The following SYNE1 variants were observed in gnomAD, a reference collection of about 807,000 sequenced individuals.
SYNE1 encodes spectrin repeat containing nuclear envelope protein 1.
SYNE1 carries 616 observed loss-of-function variants against 1,111.0 expected under a neutral mutation model. The observed-to-expected ratio is 0.55, with a 90% CI of 0.52 to 0.59. SYNE1 has a LOEUF of 0.59. Ranked by LOEUF, SYNE1 falls within the 20% of genes least tolerant of loss-of-function variation. The pLI is 0.00. For synonymous variants in SYNE1, 3,855 were observed against 3,825.8 expected (o/e 1.01, Z -0.28); for missense variants, 10,006 against 10,417.0 (o/e 0.96, Z 1.72).
intron 86 of SYNE1, among the ~76,000 whole-genome samples, chr6:152,317,519 C>A (rs1291591371): frequency 6.6e-6 from 1 of 152,096 alleles, no homozygotes; most frequent in East Asian, 1.9e-4. Flanking sequence ...CCAGGCCTTC[C>A]TCTATCCCTT....
chr6:152,566,310 C>T (rs2623964), intron 3 of SYNE1, among the ~76,000 whole-genome samples: 62,852 of 151,672 alleles, frequency 0.41, 13,873 homozygotes, highest in East Asian at 0.8. Context: ...CAAGCTGAAG[C>T]GAGCAACTAG....
At chr6:152,363,291 A>G (rs374360268) in intron 63 of SYNE1, among the ~76,000 whole-genome samples, 4,279 of 148,188 alleles carry the variant, frequency 0.029, 119 homozygotes, top group East Asian at 0.17. Context: ...TCAGGAGATC[A>G]AGGCCATCCT....
intron 3 of SYNE1, among the ~76,000 whole-genome samples, chr6:152,566,239 G>A (rs534592688): frequency 6.6e-6 from 1 of 152,188 alleles, no homozygotes; most frequent in South Asian, 2.1e-4. Flanking sequence ...GAAGGAACAA[G>A]GGATGACGCA....
At chr6:152,209,432 C>T (rs558322193) in intron 124 of SYNE1, among the ~76,000 whole-genome samples, 4 of 152,190 alleles carry the variant, frequency 2.6e-5, no homozygotes, top group African/African-American at 7.2e-5. Context: ...CAAAAAATTT[C>T]GTATGCCCTC....
intron 140 of SYNE1, among the ~76,000 whole-genome samples, chr6:152,138,366 C>A (rs1362813133): frequency 6.6e-6 from 1 of 151,904 alleles, no homozygotes; most frequent in East Asian, 1.9e-4. Flanking sequence ...CAATAAATAG[C>A]CGGGCATGGT....
At chr6:152,531,924 A>G (rs984215119) in intron 4 of SYNE1, among the ~76,000 whole-genome samples, 16 of 151,926 alleles carry the variant, frequency 1.1e-4, no homozygotes, top group African/African-American at 3.9e-4. Flanking sequence ...CATTGTTTCC[A>G]TTTTCTGGCT....
intron 6 of SYNE1, among the ~76,000 whole-genome samples, chr6:152,515,776 T>C (rs150069645): frequency 9.8e-5 from 15 of 152,292 alleles, no homozygotes; most frequent in East Asian, 3.9e-4. Flanking sequence ...TGACACCTCA[T>C]TGGAGAAAGA....
intron 3 of SYNE1, among the ~76,000 whole-genome samples, chr6:152,569,099 A>G (rs1368287434): frequency 6.6e-6 from 1 of 152,186 alleles, no homozygotes; most frequent in Non-Finnish European, 1.5e-5. Context: ...AAGTGCCCAG[A>G]GCAGCAGCAT....
intron 3 of SYNE1, among the ~76,000 whole-genome samples, chr6:152,566,886 GTTA>G (rs2099415305): frequency 6.6e-6 from 1 of 151,854 alleles, no homozygotes; most frequent in Non-Finnish European, 1.5e-5. Context: ...ACATTAACTT[GTTA>G]TTGTATATAT....
chr6:152,124,077 G>A (rs1410306154), intron 145 of SYNE1, among the ~76,000 whole-genome samples: 2 of 152,162 alleles, frequency 1.3e-5, no homozygotes, highest in South Asian at 2.1e-4. Flanking sequence ...TAATCCCAGC[G>A]CTTTGGGAGG....
At chr6:152,592,937 T>C (rs1234998158) in intron 3 of SYNE1, among the ~76,000 whole-genome samples, 1 of 152,176 alleles carries the variant, frequency 6.6e-6, no homozygotes, top group Non-Finnish European at 1.5e-5. Flanking sequence ...AACAGCAGCC[T>C]GGCTGGGGCA....
chr6:152,360,379 A>T (rs2154065463), intron 64 of SYNE1, among the ~76,000 whole-genome samples: 1 of 152,232 alleles, frequency 6.6e-6, no homozygotes, highest in Non-Finnish European at 1.5e-5. Context: ...TCTATCCGGA[A>T]TGCTGGTTCC....
At chr6:152,540,044 T>C (rs763084607) in intron 3 of SYNE1, 23 bp from the exon 4 acceptor site, 2 of 1,607,078 alleles carry the variant, frequency 1.2e-6, no homozygotes, top group African/African-American at 1.3e-5. Flanking sequence ...AGAAATCTGG[T>C]TAAATAATGT....
intron 31 of SYNE1, among the ~76,000 whole-genome samples, chr6:152,441,689 T>C (rs1324673415): frequency 1.3e-5 from 2 of 152,124 alleles, no homozygotes; most frequent in Non-Finnish European, 2.9e-5. Flanking sequence ...TTTTTAAAGG[T>C]AATGTGTCAA....
At chr6:152,293,246 C>T (rs766242788) in intron 95 of SYNE1, among the ~76,000 whole-genome samples, 12 of 152,190 alleles carry the variant, frequency 7.9e-5, no homozygotes, top group Non-Finnish European at 1.5e-4. Context: ...ATTCTTACAA[C>T]AATGGCTCAC....
intron 3 of SYNE1, among the ~76,000 whole-genome samples, chr6:152,563,568 C>A (rs563133179): frequency 6.6e-6 from 1 of 152,118 alleles, no homozygotes; most frequent in African/African-American, 2.4e-5. Flanking sequence ...ACATTGCACA[C>A]CTTGAAAAGA....
Position 152,215,041 on chromosome 6 carries a change from C to T in SYNE1, c.22211G>A (p.Ser7404Asn). Residue 7404 changes from serine (S) to asparagine (N), a missense_variant, in exon 122 of 146, where the codon AGC becomes AAC. By Grantham distance (46) the Ser-to-Asn change is conservative (BLOSUM62 1). Coordinates refer to ENST00000367255, the MANE Select transcript of SYNE1 (RefSeq NM_182961.4). ...EELKGQMLKF[S>N]SMAPDLDRLN... ...ACGGTCTAAATCTGGAGCCATGCTG[C>T]TGAATTTTAACATCTGTCCCTAGAA... The T allele has an allele frequency of 1.2e-6, 2 of 1,614,058 alleles. No homozygotes were observed. The highest frequency in any genetic ancestry group is 1.7e-6 in the Non-Finnish European group (2 of 1,179,984).
chr6:152,344,576 A>C (rs1333888126), intron 73 of SYNE1, among the ~76,000 whole-genome samples: 1 of 152,214 alleles, frequency 6.6e-6, no homozygotes, highest in Admixed American at 6.5e-5. Flanking sequence ...TTCTCTTCCT[A>C]TGGTATAAAT....
chr6:152,308,354 A>G, intron 91 of SYNE1, 135 bp downstream of exon 91: 1 of 1,243,132 alleles, frequency 8.0e-7, no homozygotes, highest in Non-Finnish European at 1.1e-6. Flanking sequence ...TTAGATAGCC[A>G]AAGAGGCCTC....
Sources: gnomAD v4.1 joint callset for allele counts (sites outside exome capture counted in the v4.1 genomes callset) on GRCh38, gnomAD v4.1.1 for gene constraint, MANE v1.5 for transcripts, NCBI Gene and HGNC (gene_info 2026-07-23, HGNC 2026-07-21) for gene names.